ANKRD62: variants seen among roughly 807,000 people sequenced by gnomAD.
The protein encoded by ANKRD62 is ankyrin repeat domain-containing protein 62.
A neutral mutation model predicts 98.8 loss-of-function variants in ANKRD62; 61 were observed. The observed-to-expected ratio is 0.62, with a 90% CI of 0.50 to 0.76. The LOEUF (loss-of-function observed/expected upper bound fraction) is 0.76, where lower values mean the gene tolerates loss of function less well. Ranked by LOEUF, ANKRD62 falls within the 30% of genes least tolerant of loss-of-function variation. The pLI, the probability that ANKRD62 is intolerant of heterozygous loss-of-function variation, is 0.00. For synonymous variants in ANKRD62, 341 were observed against 367.9 expected (o/e 0.93, Z 0.84); for missense variants, 933 against 1,082.9 (o/e 0.86, Z 1.94).
In ANKRD62 at chr18:12,125,770, A is replaced by G; in HGVS notation, c.1949A>G (p.Glu650Gly). The G allele has an allele frequency of 6.5e-7, 1 of 1,548,520 alleles. No individual in the cohort carries two copies. Among genetic ancestry groups the G allele is most frequent in the East Asian group, 2.4e-5 (1 of 40,934 alleles). The change falls in exon 13 of 14, where the codon GAA (glutamate) becomes GGA (glycine). Residue 650 changes from glutamate (E) to glycine (G), a missense_variant. By Grantham distance (98) the Glu-to-Gly change is moderately conservative. Around this residue, in one of 3 missense-constraint regions of ANKRD62, gnomAD observed 362 missense variants for 434.5 expected, o/e 0.83. Transcript: ENST00000587848. ...GAAAAACAAAGCATGTCAAGACTGG[A>G]AACAGAAATGGAATCATACCGTTGT... ...QKEKQSMSRL[E>G]TEMESYRCRL...
chr18:12,169,115 T>C, the ANKRD62 span, among the ~76,000 whole-genome samples: 1 of 152,214 alleles, frequency 6.6e-6, no homozygotes, highest in African/African-American at 2.4e-5. Flanking sequence ...CCTAATTGAA[T>C]ATCTCTTATT....
intron 13 of ANKRD62, among the ~76,000 whole-genome samples, chr18:12,126,988 A>G (rs562331097): frequency 1.3e-5 from 2 of 152,356 alleles, no homozygotes; most frequent in East Asian, 3.9e-4. Flanking sequence ...CTTACATTAT[A>G]ATATGGGGAA....
At chr18:12,152,745 A>C in the ANKRD62 span, among the ~76,000 whole-genome samples, 1 of 152,158 alleles carries the variant, frequency 6.6e-6, no homozygotes, top group Non-Finnish European at 1.5e-5. Flanking sequence ...AATCAAACAA[A>C]TAAATAAAGG....
At chr18:12,156,030 G>A in the ANKRD62 span, among the ~76,000 whole-genome samples, 1 of 151,950 alleles carries the variant, frequency 6.6e-6, no homozygotes, top group Non-Finnish European at 1.5e-5. Flanking sequence ...GTTTAAAGGA[G>A]CCTGATACTA....
intron 7 of ANKRD62, among the ~76,000 whole-genome samples, chr18:12,104,081 A>G (rs1252793689): frequency 1.3e-5 from 2 of 152,126 alleles, no homozygotes; most frequent in Non-Finnish European, 2.9e-5. Flanking sequence ...CAGTATTTCC[A>G]GTACAGTGAG....
the ANKRD62 span, among the ~76,000 whole-genome samples, chr18:12,153,281 G>A: frequency 1.3e-5 from 2 of 152,254 alleles, no homozygotes; most frequent in East Asian, 3.9e-4. Context: ...AACTACTAAT[G>A]ATATTCTTTG....
chr18:12,127,107 G>A (rs1909908364), intron 13 of ANKRD62, among the ~76,000 whole-genome samples: 1 of 152,062 alleles, frequency 6.6e-6, no homozygotes, highest in Admixed American at 6.5e-5. Context: ...TTATTTCAAG[G>A]CTCAATGACT....
chr18:12,095,757 A>T (rs1909169052), intron 3 of ANKRD62, 147 bp downstream of exon 3: 1 of 796,504 alleles, frequency 1.3e-6, no homozygotes, highest in South Asian at 2.4e-5. Context: ...TTAAAAATAC[A>T]TTCATAACAA....
chr18:12,139,064 G>A, the ANKRD62 span, among the ~76,000 whole-genome samples: 1 of 152,172 alleles, frequency 6.6e-6, no homozygotes, highest in Non-Finnish European at 1.5e-5. Flanking sequence ...GTATTGTTAT[G>A]TGTGAATTTG....
intron 8 of ANKRD62, among the ~76,000 whole-genome samples, chr18:12,113,181 C>T (rs879267918): frequency 2.6e-5 from 4 of 152,126 alleles, no homozygotes; most frequent in Non-Finnish European, 2.9e-5. Flanking sequence ...AGATGTCAGC[C>T]GCTGCTCCAG....
intron 8 of ANKRD62, among the ~76,000 whole-genome samples, chr18:12,110,020 G>A (rs1027292135): frequency 2.0e-5 from 3 of 149,834 alleles, no homozygotes; most frequent in African/African-American, 7.4e-5. Context: ...TTAATTTGCT[G>A]ACCTGTGTGC....
chr18:12,166,926 A>G, the ANKRD62 span, among the ~76,000 whole-genome samples: 1 of 149,952 alleles, frequency 6.7e-6, no homozygotes, highest in East Asian at 2.0e-4. Context: ...CCCTGTGTCC[A>G]GGTGTTCTCA....
chr18:12,179,387 G>A, the ANKRD62 span, among the ~76,000 whole-genome samples: 28,080 of 109,148 alleles, frequency 0.26, 3,774 homozygotes, highest in East Asian at 0.61. Context: ...GGGGATAACT[G>A]AGTGACAGAT....
intron 8 of ANKRD62, among the ~76,000 whole-genome samples, chr18:12,108,462 T>C (rs1042655399): frequency 1.3e-5 from 2 of 152,138 alleles, no homozygotes; most frequent in Non-Finnish European, 2.9e-5. Flanking sequence ...GGAAACAGCC[T>C]CCATGATCAA....
intron 8 of ANKRD62, 80 bp downstream of exon 8, chr18:12,107,547 G>A (rs1295547940): frequency 3.0e-5 from 33 of 1,105,716 alleles, no homozygotes; most frequent in Non-Finnish European, 3.6e-5. Context: ...TAATATGTAC[G>A]ATTAACAAAT....
chr18:12,111,966 C>T (rs1020045403), intron 8 of ANKRD62, among the ~76,000 whole-genome samples: 5 of 151,780 alleles, frequency 3.3e-5, no homozygotes, highest in South Asian at 2.1e-4. Flanking sequence ...AAAAATTAGC[C>T]GGGCGTGGTG....
At chr18:12,102,706 G>A (rs1209353406) in intron 6 of ANKRD62, 3 of 1,034,134 alleles carry the variant, frequency 2.9e-6, no homozygotes, top group African/African-American at 1.7e-5. Flanking sequence ...TGAACGGGGT[G>A]TATATGGATG....
chr18:12,137,387 AG>A, the ANKRD62 span, among the ~76,000 whole-genome samples: 1 of 152,044 alleles, frequency 6.6e-6, no homozygotes, highest in African/African-American at 2.4e-5. Flanking sequence ...CTTGCATCCC[AG>A]GGATGAAGCC....
chr18:12,131,707 A>AAGAG (rs1172852803), downstream of ANKRD62, among the ~76,000 whole-genome samples: 1 of 149,142 alleles, frequency 6.7e-6, no homozygotes, highest in Admixed American at 6.7e-5. Flanking sequence ...GTCATATTTT[A>AAGAG]AGAGAGAGAG....
Sources: allele counts gnomAD v4.1 joint callset (sites outside exome capture counted in the v4.1 genomes callset), GRCh38; gene constraint gnomAD v4.1.1; regional missense constraint gnomAD v4.1.1; transcripts MANE v1.5; gene names NCBI Gene and HGNC (gene_info 2026-07-23, HGNC 2026-07-21).